Variants in LCOR observed in about 807,000 individuals in gnomAD.
The protein encoded by LCOR is ligand dependent nuclear receptor corepressor.
A neutral mutation model predicts 64.4 loss-of-function variants in LCOR; 14 were observed. The ratio of observed to expected loss-of-function variants is 0.22; its 90% CI spans 0.14 to 0.34. The LOEUF (loss-of-function observed/expected upper bound fraction) is 0.34, where lower values mean the gene tolerates loss of function less well. LCOR is among the 10% of genes least tolerant of loss of function. The pLI, the probability that LCOR is intolerant of heterozygous loss-of-function variation, is 1.00. For missense variants in LCOR, 1,686 were observed against 1,765.3 expected (o/e 0.96, Z 0.80); for synonymous variants, 643 against 642.5 (o/e 1.00, Z -0.01).
chr10:96,978,915 TACTG>T (rs1464474361), intron 7 of LCOR, among the ~76,000 whole-genome samples: 1 of 152,242 alleles, frequency 6.6e-6, no homozygotes, highest in African/African-American at 2.4e-5. Context: ...TCCTTTGAGA[TACTG>T]ACATTCAGTC....
At position 96,983,539 on chromosome 10, in the gene LCOR, C is replaced by T. The variant is rs753517152; in HGVS notation, c.3079C>T (p.Pro1027Ser). The change falls in exon 8 of 8, where the codon CCA (proline) becomes TCA (serine). Residue 1027 changes from proline (P) to serine (S), a missense_variant. Pro to Ser is a moderately conservative substitution (Grantham distance 74). Transcript: ENST00000421806. The surrounding 1 kb of genome is among the most constrained non-coding windows in gnomAD (Gnocchi z 4.5). ...TGGAAGTGGTGATGCTGCTAGGGCA[C>T]CAAAATCGGTGCCAAGGCCTAAAAG... ...SSGSGDAARA[P>S]KSVPRPKRLT... is the part of the protein sequence containing the mutation. The T allele has an allele frequency of 3.7e-6, 6 of 1,614,110 alleles. No individual in the cohort carries two copies. In the Admixed American group the frequency reaches 8.3e-5, roughly 22 times the overall value.
intron 2 of LCOR, among the ~76,000 whole-genome samples, chr10:96,861,335 A>G (rs1845883657): frequency 6.6e-6 from 1 of 152,230 alleles, no homozygotes; most frequent in Admixed American, 6.5e-5. Flanking sequence ...TGAATGCAGT[A>G]AGCTTCTTCT....
chr10:96,873,565 CACACACGTGT>C (rs1192969840), intron 2 of LCOR, among the ~76,000 whole-genome samples: 5 of 122,876 alleles, frequency 4.1e-5, no homozygotes, highest in East Asian at 5.7e-4. Context: ...GATACACACA[CACACACGTGT>C]GTGTGTGTGT....
At chr10:96,892,701 CAGTT>C (rs1390722158) in intron 2 of LCOR, among the ~76,000 whole-genome samples, 2 of 152,292 alleles carry the variant, frequency 1.3e-5, no homozygotes, top group South Asian at 2.1e-4. Context: ...GGGACTCCAA[CAGTT>C]AGACCATCGC....
chr10:96,965,797 ATACT>A (rs763748281), intron 7 of LCOR, among the ~76,000 whole-genome samples: 8 of 152,058 alleles, frequency 5.3e-5, no homozygotes, highest in South Asian at 2.1e-4. Flanking sequence ...ATTATGCCAC[ATACT>A]TAATCAAGAT....
chr10:96,899,724 ATCCT>A (rs1846601004), intron 2 of LCOR, among the ~76,000 whole-genome samples: 1 of 152,132 alleles, frequency 6.6e-6, no homozygotes, highest in South Asian at 2.1e-4. Context: ...AAATATAAAC[ATCCT>A]TAAGTTTTGT....
At chr10:96,848,133 G>T (rs1300140330) in intron 2 of LCOR, among the ~76,000 whole-genome samples, 1 of 152,136 alleles carries the variant, frequency 6.6e-6, no homozygotes, top group Non-Finnish European at 1.5e-5. Flanking sequence ...TTTAAGAAAT[G>T]ATCCAGATCA....
intron 4 of LCOR, among the ~76,000 whole-genome samples, chr10:96,909,477 A>C (rs1156964701): frequency 6.6e-6 from 1 of 152,220 alleles, no homozygotes; most frequent in Non-Finnish European, 1.5e-5. Context: ...GTCAGTTAAT[A>C]TTCTGCCTTA....
chr10:96,841,768 A>G (rs1461528233), intron 2 of LCOR, among the ~76,000 whole-genome samples: 2 of 151,040 alleles, frequency 1.3e-5, no homozygotes, highest in Non-Finnish European at 2.9e-5. Context: ...AAATAAATAA[A>G]TAATAAAAAA....
Position 96,981,933 on chromosome 10 carries a change from A to ATC in LCOR, c.1475_1476dup (p.Ser493LeufsTer64). ...ACTTTGAGAATCAAAAATCAATATT[A>ATC]TCTTCTCGGAAAACAGCCAGAAAGA... On this transcript the variant is annotated frameshift_variant, in exon 8 of 8. Coordinates refer to ENST00000421806, the MANE Select transcript of LCOR (RefSeq NM_001346516.2). LOFTEE classifies it low-confidence loss of function (END_TRUNC). 6.2e-7 allele frequency: 1 copy of ATC among 1,614,206 alleles called. No homozygotes were observed. Among genetic ancestry groups the ATC allele is most frequent in the Non-Finnish European group, 8.5e-7 (1 of 1,180,040 alleles).
At chr10:96,892,884 C>T (rs1385129963) in intron 2 of LCOR, among the ~76,000 whole-genome samples, 1 of 152,020 alleles carries the variant, frequency 6.6e-6, no homozygotes, top group African/African-American at 2.4e-5. Flanking sequence ...TTAATTCTGC[C>T]CATCTCTGCC....
At chr10:96,838,042 A>T (rs989361978) in intron 2 of LCOR, among the ~76,000 whole-genome samples, 52 of 152,176 alleles carry the variant, frequency 3.4e-4, no homozygotes, top group African/African-American at 1.2e-3. Flanking sequence ...TTTATTTTTA[A>T]ATTCCTTTTA....
chr10:96,885,573 T>TTTTG lies in LCOR; in HGVS notation c.-329-21689_-329-21688insGTTT, dbSNP rs1846329160. Among the ~76,000 whole-genome samples, 3 of 149,388 alleles carry TTTTG rather than the reference T, an allele frequency of 2.0e-5. No homozygotes were observed. The South Asian group carries it at 6.4e-4, about 32-fold the overall frequency. On this transcript the variant is annotated intron_variant, in intron 2 of 7. Transcript: ENST00000421806. ...ATTGAATTTTTTTTTTTTTTTTTTT[T>TTTTG]TTTTAGTAGAGTCAAGGTCTTGCTG... is the stretch of plus-strand genomic sequence containing the variant.
intron 2 of LCOR, among the ~76,000 whole-genome samples, chr10:96,886,538 T>C (rs1846347571): frequency 6.6e-6 from 1 of 152,256 alleles, no homozygotes; most frequent in Admixed American, 6.5e-5. Context: ...TATTCTCTTT[T>C]AGCTGTACTG....
chr10:96,918,936 C>G (rs757765435), intron 4 of LCOR, among the ~76,000 whole-genome samples: 27 of 151,940 alleles, frequency 1.8e-4, no homozygotes, highest in Non-Finnish European at 3.4e-4. Flanking sequence ...GTTACATCAG[C>G]AACAAAAAAG....
chr10:96,945,903 T>G (rs570999840), intron 5 of LCOR, among the ~76,000 whole-genome samples: 1 of 152,136 alleles, frequency 6.6e-6, no homozygotes, highest in East Asian at 1.9e-4. Context: ...GGAATAACTT[T>G]CAAGTTTTTA....
chr10:96,892,259 A>G (rs1349921290), intron 2 of LCOR, among the ~76,000 whole-genome samples: 1 of 152,104 alleles, frequency 6.6e-6, no homozygotes, highest in Admixed American at 6.5e-5. Context: ...GCTTCATAGA[A>G]TTTGGGGCTG....
chr10:96,889,682 G>A (rs561220742), intron 2 of LCOR, among the ~76,000 whole-genome samples: 1 of 152,266 alleles, frequency 6.6e-6, no homozygotes, highest in East Asian at 1.9e-4. Context: ...TGGGGTTAGG[G>A]CGTTAACATG....
intron 2 of LCOR, among the ~76,000 whole-genome samples, chr10:96,884,702 A>G (rs1846314434): frequency 6.6e-6 from 1 of 152,230 alleles, no homozygotes; most frequent in South Asian, 2.1e-4. Flanking sequence ...CGATGCTGAT[A>G]TTGCAGGTCA....
Sources: gnomAD v4.1 joint callset for allele counts (sites outside exome capture counted in the v4.1 genomes callset) on GRCh38, gnomAD v4.1.1 for gene constraint, Gnocchi (gnomAD v3.1) non-coding constraint, MANE v1.5 for transcripts, NCBI Gene and HGNC (gene_info 2026-07-23, HGNC 2026-07-21) for gene names.